Variants in HSD17B6 observed in about 807,000 individuals in gnomAD.
HSD17B6 encodes 17-beta-hydroxysteroid dehydrogenase type 6.
Under a neutral mutation model 26.4 loss-of-function variants are expected in HSD17B6, and 16 were observed. That is an observed-to-expected ratio of 0.61 (90% CI 0.41 to 0.92). The LOEUF (loss-of-function observed/expected upper bound fraction) is 0.92. HSD17B6 is among the 40% of genes least tolerant of loss of function. HSD17B6 has a pLI of 0.00. For synonymous variants in HSD17B6, 139 were observed against 153.0 expected, an observed-to-expected ratio of 0.91 and a Z score of 0.68; for missense variants, 357 against 386.1, an observed-to-expected ratio of 0.92 and a Z score of 0.63.
intron 3 of HSD17B6, 143 bp from the exon 4 acceptor site, chr12:56,784,710 A>C: frequency 1.3e-6 from 1 of 767,038 alleles, no homozygotes; most frequent in Non-Finnish European, 2.1e-6. Context: ...GAGACGAGGG[A>C]GAGGGAGAGG....
rs374037893 is a variant in HSD17B6 at position 56,767,328 on chromosome 12, C to T, written c.-20+3914C>T. Among the ~76,000 whole-genome samples, 12 of 151,008 alleles carry T rather than the reference C, an allele frequency of 7.9e-5. No homozygotes were observed. The South Asian group carries it at 1.0e-3, about 13-fold the overall frequency. ...GAGATCGAGACCATCCTGCCTAACA[C>T]GGTGAAACTCTGTCTCCACTAAAAA... On this transcript the variant is annotated intron_variant, in intron 1 of 4. Transcript: ENST00000322165.
At chr12:56,783,903 G>A (rs1213144877) in intron 3 of HSD17B6, among the ~76,000 whole-genome samples, 1 of 150,474 alleles carries the variant, frequency 6.6e-6, no homozygotes, top group African/African-American at 2.4e-5. Flanking sequence ...AGGTGGAGGG[G>A]CTCCTCACTT....
chr12:56,783,965 C>T (rs1212321756), intron 3 of HSD17B6, among the ~76,000 whole-genome samples: 1 of 150,718 alleles, frequency 6.6e-6, no homozygotes, highest in African/African-American at 2.4e-5. Context: ...TCAGACGGGG[C>T]AGCCGGGCAG....
At chr12:56,770,008 A>T (rs918268638) in intron 1 of HSD17B6, among the ~76,000 whole-genome samples, 2 of 152,198 alleles carry the variant, frequency 1.3e-5, no homozygotes, top group Non-Finnish European at 2.9e-5. Context: ...TTTAGTCAAT[A>T]AACAGTCAGG....
rs752731629 is a variant in HSD17B6 at position 56,787,326 on chromosome 12, C to A, written c.938C>A (p.Pro313Gln). ...DYILTRSWPK[P>Q]AQAV ...ATTTTGACTAGATCTTGGCCCAAAC[C>A]AGCCCAGGCAGTCTAAAGAAAACTG... The change falls in exon 5 of 5, where the codon CCA becomes CAA. Residue 313 changes from proline (P) to glutamine (Q), a missense_variant. By Grantham distance (76) the Pro-to-Gln change is moderately conservative. Coordinates refer to ENST00000322165, the MANE Select transcript of HSD17B6 (RefSeq NM_003725.4). 1.9e-6 allele frequency: 3 copies of A among 1,612,822 alleles called. No homozygotes were observed. The highest frequency in any genetic ancestry group is 2.5e-6 in the Non-Finnish European group (3 of 1,179,138).
At position 56,774,068 on chromosome 12, in the gene HSD17B6, G is replaced by A. The variant is rs1954538813; in HGVS notation, c.216G>A (p.Gln72=). Residue 72 remains glutamine, a synonymous_variant, in exon 2 of 5, where the codon CAG becomes CAA. Transcript: ENST00000322165. ...TEKGAEQLRG[Q]TSDRLETVTL... Reference sequence around the variant, plus strand: ...AGGGGGCCGAGCAGCTGAGGGGCCAGACGTCTGACAGGCTGGAGACGGTGA... The same window carrying A: ...AGGGGGCCGAGCAGCTGAGGGGCCAAACGTCTGACAGGCTGGAGACGGTGA... The A allele has an allele frequency of 1.2e-6, 2 of 1,614,122 alleles. No individual in the cohort carries two copies. The highest frequency in any genetic ancestry group is 2.2e-5 in the South Asian group (2 of 91,074).
chr12:56,767,825 GTA>G (rs377086431), intron 1 of HSD17B6, among the ~76,000 whole-genome samples: 4 of 145,968 alleles, frequency 2.7e-5, no homozygotes, highest in East Asian at 4.0e-4. Flanking sequence ...ATATATGTGT[GTA>G]TATATGTGTA....
chr12:56,784,231 G>A (rs1181062845), intron 3 of HSD17B6, among the ~76,000 whole-genome samples: 2 of 151,850 alleles, frequency 1.3e-5, no homozygotes, highest in Non-Finnish European at 2.9e-5. Flanking sequence ...CATCCCAGAT[G>A]ATGGGTGGCC....
At chr12:56,777,963 G>A (rs1229604704) in intron 2 of HSD17B6, among the ~76,000 whole-genome samples, 1 of 152,120 alleles carries the variant, frequency 6.6e-6, no homozygotes, top group African/African-American at 2.4e-5. Context: ...GTGCATACCC[G>A]TTTATTTCTA....
At chr12:56,776,478 T>A (rs1022934126) in intron 2 of HSD17B6, among the ~76,000 whole-genome samples, 3 of 151,146 alleles carry the variant, frequency 2.0e-5, no homozygotes, top group Non-Finnish European at 1.5e-5. Flanking sequence ...TAATTAAAAA[T>A]TTTTTTTCTT....
At chr12:56,779,617 T>C (rs1370739285) in intron 2 of HSD17B6, among the ~76,000 whole-genome samples, 2 of 152,200 alleles carry the variant, frequency 1.3e-5, no homozygotes, top group Non-Finnish European at 2.9e-5. Context: ...AAATTTTAAG[T>C]GCATATGTGG....
At chr12:56,763,581 T>C (rs144934202) in intron 1 of HSD17B6, among the ~76,000 whole-genome samples, 167 bp downstream of exon 1, 31 of 152,118 alleles carry the variant, frequency 2.0e-4, no homozygotes, top group African/African-American at 6.5e-4. Flanking sequence ...AGAAATTTTG[T>C]CACGATTGCT....
intron 1 of HSD17B6, among the ~76,000 whole-genome samples, chr12:56,772,974 C>A (rs1359671489): frequency 6.6e-6 from 1 of 152,124 alleles, no homozygotes; most frequent in African/African-American, 2.4e-5. Context: ...CGGGCCCATA[C>A]CCATATTTGA....
intron 1 of HSD17B6, among the ~76,000 whole-genome samples, chr12:56,767,722 CAT>C (rs1199371904): frequency 1.4e-5 from 2 of 141,398 alleles, no homozygotes; most frequent in African/African-American, 2.6e-5. Flanking sequence ...TATATACACA[CAT>C]ATATAATATA....
chr12:56,786,112 A>T (rs1954867967), intron 4 of HSD17B6: 1 of 224,492 alleles, frequency 4.5e-6, no homozygotes, highest in Non-Finnish European at 7.4e-6. Flanking sequence ...TGATTTGTAC[A>T]CTTTAAATGG....
Position 56,787,250 on chromosome 12 carries a change from A to G in HSD17B6, c.862A>G (p.Lys288Glu). ...RTRYSAGWDA[K>E]FFFIPLSYLP... ...TCGATATTCAGCTGGCTGGGATGCT[A>G]AATTTTTCTTCATCCCTCTATCTTA... Residue 288 changes from lysine (K) to glutamate (E), a missense_variant, in exon 5 of 5, where the codon AAA (lysine) becomes GAA (glutamate). By Grantham distance (56) the Lys-to-Glu change is moderately conservative. Transcript: ENST00000322165. The G allele has an allele frequency of 6.2e-7, 1 of 1,614,036 alleles. No individual in the cohort carries two copies. Among genetic ancestry groups the G allele is most frequent in the Non-Finnish European group, 8.5e-7 (1 of 1,179,900 alleles).
chr12:56,766,168 C>G (rs562098542), intron 1 of HSD17B6, among the ~76,000 whole-genome samples: 9 of 152,182 alleles, frequency 5.9e-5, no homozygotes, highest in African/African-American at 2.2e-4. Context: ...TTTCCGCTAC[C>G]CACCCAAATC....
chr12:56,783,084 C>T (rs1238332345), intron 3 of HSD17B6, among the ~76,000 whole-genome samples: 2 of 152,258 alleles, frequency 1.3e-5, no homozygotes, highest in African/African-American at 4.8e-5. Flanking sequence ...TCAATCTTTT[C>T]CCCACCTTGC....
intron 1 of HSD17B6, among the ~76,000 whole-genome samples, chr12:56,766,990 A>G (rs1217189544): frequency 6.6e-6 from 1 of 152,070 alleles, no homozygotes; most frequent in Non-Finnish European, 1.5e-5. Flanking sequence ...GACCATGAAA[A>G]ATCAGCTAAT....
Sources: gnomAD v4.1 joint callset for allele counts (sites outside exome capture counted in the v4.1 genomes callset) on GRCh38, gnomAD v4.1.1 for gene constraint, MANE v1.5 for transcripts, NCBI Gene and HGNC (gene_info 2026-07-23, HGNC 2026-07-21) for gene names.